Variants in CLSTN2 observed in about 807,000 individuals in gnomAD.
CLSTN2 encodes the protein calsyntenin-2.
CLSTN2 carries 48 observed loss-of-function variants against 101.2 expected under a neutral mutation model. The ratio of observed to expected loss-of-function variants is 0.47; its 90% CI spans 0.38 to 0.60. CLSTN2 has a LOEUF of 0.60. CLSTN2 is among the 20% of genes least tolerant of loss of function. The probability of loss-of-function intolerance (pLI) is 0.00; values close to 1 mark genes in which losing one functional copy is unlikely to be tolerated. For missense variants in CLSTN2, 1,160 were observed against 1,238.2 expected (o/e 0.94, Z 0.95); for synonymous variants, 481 against 463.6 (o/e 1.04, Z -0.48).
intron 1 of CLSTN2, among the ~76,000 whole-genome samples, chr3:140,113,249 T>C (rs2009184326): frequency 6.6e-6 from 1 of 152,182 alleles, no homozygotes; most frequent in African/African-American, 2.4e-5. Context: ...GCCTAATTGA[T>C]ATCAAATTCT....
chr3:140,034,766 G>A (rs527433096), intron 1 of CLSTN2, among the ~76,000 whole-genome samples: 1 of 152,348 alleles, frequency 6.6e-6, no homozygotes, highest in South Asian at 2.1e-4. Context: ...TGTAGTGTGA[G>A]ATAGAGACTG....
At chr3:140,340,890 C>T (rs533262788) in intron 2 of CLSTN2, among the ~76,000 whole-genome samples, 2 of 152,278 alleles carry the variant, frequency 1.3e-5, no homozygotes, top group African/African-American at 2.4e-5. Context: ...TCAGGTATTT[C>T]GAAGAATGCC....
intron 2 of CLSTN2, among the ~76,000 whole-genome samples, chr3:140,389,721 A>G (rs2107969727): frequency 6.6e-6 from 1 of 152,326 alleles, no homozygotes; most frequent in Admixed American, 6.5e-5. Flanking sequence ...TGTCTTCCAC[A>G]GTGGTTGGAC....
intron 2 of CLSTN2, among the ~76,000 whole-genome samples, chr3:140,181,042 C>T (rs2010400364): frequency 6.6e-6 from 1 of 152,176 alleles, no homozygotes; most frequent in Non-Finnish European, 1.5e-5. Context: ...CTTGGGATAG[C>T]CATGTGTCTT....
intron 10 of CLSTN2, among the ~76,000 whole-genome samples, chr3:140,549,218 GC>G (rs1935662429): frequency 1.5e-5 from 2 of 131,454 alleles, no homozygotes; most frequent in Non-Finnish European, 3.3e-5. Flanking sequence ...AGGGTACTAG[GC>G]CCCATAGAGC....
At chr3:140,322,460 G>T (rs1398910313) in intron 2 of CLSTN2, among the ~76,000 whole-genome samples, 1 of 152,256 alleles carries the variant, frequency 6.6e-6, no homozygotes, top group African/African-American at 2.4e-5. Context: ...CGCAGAGCAA[G>T]AGGTGCTGAG....
At chr3:139,965,014 G>A (rs181151492) in intron 1 of CLSTN2, among the ~76,000 whole-genome samples, 10 of 152,110 alleles carry the variant, frequency 6.6e-5, no homozygotes, top group East Asian at 1.9e-4. Context: ...ATGCCACTAC[G>A]GTTGATATTT....
chr3:140,522,384 C>T (rs543761766), intron 8 of CLSTN2, among the ~76,000 whole-genome samples: 1 of 152,200 alleles, frequency 6.6e-6, no homozygotes, highest in Non-Finnish European at 1.5e-5. Context: ...GGCCTGAGGC[C>T]GTATGGCCTC....
chr3:140,489,647 T>C (rs916294011), intron 8 of CLSTN2, among the ~76,000 whole-genome samples: 1 of 152,020 alleles, frequency 6.6e-6, no homozygotes, highest in Non-Finnish European at 1.5e-5. Flanking sequence ...ATTCTAAAGA[T>C]ACTGGGATGA....
intron 2 of CLSTN2, among the ~76,000 whole-genome samples, chr3:140,311,586 G>A (rs1008256854): frequency 2.0e-5 from 3 of 151,450 alleles, no homozygotes; most frequent in African/African-American, 4.9e-5. Flanking sequence ...GATGACAGGC[G>A]TGAGCCACCG....
chr3:140,055,173 C>T (rs976440573), intron 1 of CLSTN2, among the ~76,000 whole-genome samples: 5 of 152,204 alleles, frequency 3.3e-5, no homozygotes, highest in Non-Finnish European at 7.3e-5. Flanking sequence ...TCATCACCTG[C>T]TGCTTCCTAT....
In CLSTN2 at chr3:140,562,206, G is replaced by A. The variant is rs1216405184; in HGVS notation, c.2110G>A (p.Gly704Arg). 2 of 1,614,092 alleles carry A rather than the reference G, an allele frequency of 1.2e-6. No individual in the cohort carries two copies. Among genetic ancestry groups the A allele is most frequent in the Admixed American group, 1.7e-5 (1 of 60,024 alleles). ...TTTCTGTGACATTTTGGTGATCGGA[G>A]GGGACTTGGACCCAAGGCAGGAGTG... ...LDFCDILVIG[G>R]DLDPRQECLE... The change falls in exon 13 of 17, where the codon GGG becomes AGG. Residue 704 changes from glycine (G) to arginine (R), a missense_variant. By Grantham distance (125) the Gly-to-Arg change is moderately radical. Coordinates refer to ENST00000458420, the MANE Select transcript of CLSTN2 (RefSeq NM_022131.3).
intron 8 of CLSTN2, among the ~76,000 whole-genome samples, chr3:140,513,028 T>G (rs1934845211): frequency 6.6e-6 from 1 of 152,228 alleles, no homozygotes; most frequent in Non-Finnish European, 1.5e-5. Flanking sequence ...GACGATGGGA[T>G]TTTCTAGATA....
intron 2 of CLSTN2, among the ~76,000 whole-genome samples, chr3:140,350,570 G>A (rs960707919): frequency 6.6e-5 from 10 of 152,154 alleles, no homozygotes; most frequent in African/African-American, 2.4e-4. Context: ...TGGCAATAGT[G>A]GGTACTTCCC....
intron 1 of CLSTN2, among the ~76,000 whole-genome samples, chr3:140,111,782 A>G (rs1295898451): frequency 2.0e-5 from 3 of 152,174 alleles, no homozygotes; most frequent in East Asian, 3.9e-4. Context: ...TATTATCATC[A>G]TCATTTATAG....
intron 12 of CLSTN2, among the ~76,000 whole-genome samples, chr3:140,560,333 G>A (rs1183667326): frequency 6.6e-6 from 1 of 152,132 alleles, no homozygotes; most frequent in Non-Finnish European, 1.5e-5. Context: ...CCAAAGACAG[G>A]AGATTCCCCC....
chr3:139,986,054 A>C (rs1373946368), intron 1 of CLSTN2, among the ~76,000 whole-genome samples: 1 of 152,138 alleles, frequency 6.6e-6, no homozygotes, highest in Non-Finnish European at 1.5e-5. Context: ...CTAGCATTTC[A>C]GTTCTTTACA....
chr3:140,183,368 A>G (rs950770314), intron 2 of CLSTN2, among the ~76,000 whole-genome samples: 2 of 152,188 alleles, frequency 1.3e-5, no homozygotes, highest in Non-Finnish European at 2.9e-5. Context: ...CTCGTAAACC[A>G]GAGTGAGTTG....
chr3:140,498,022 A>G (rs910378034), intron 8 of CLSTN2, among the ~76,000 whole-genome samples: 2 of 152,142 alleles, frequency 1.3e-5, no homozygotes, highest in African/African-American at 4.8e-5. Flanking sequence ...CCACATATTC[A>G]GTCCCAATGC....
Sources: gnomAD v4.1 joint callset for allele counts (sites outside exome capture counted in the v4.1 genomes callset) on GRCh38, gnomAD v4.1.1 for gene constraint, MANE v1.5 for transcripts, NCBI Gene and HGNC (gene_info 2026-07-23, HGNC 2026-07-21) for gene names.